Variants in SYT14 observed in about 807,000 individuals in gnomAD.
SYT14 encodes synaptotagmin-14.
SYT14 carries 32 observed loss-of-function variants against 74.2 expected under a neutral mutation model. The ratio of observed to expected loss-of-function variants is 0.43; its 90% CI spans 0.33 to 0.58. SYT14 has a LOEUF of 0.58. Ranked by LOEUF, SYT14 falls within the 20% of genes least tolerant of loss-of-function variation. The pLI is 0.05. For synonymous variants in SYT14, 298 were observed against 337.7 expected (o/e 0.88, Z 1.29); for missense variants, 791 against 981.8 (o/e 0.81, Z 2.60).
chr1:210,088,061 G>A (rs553841221), intron 5 of SYT14, among the ~76,000 whole-genome samples: 11 of 151,660 alleles, frequency 7.3e-5, no homozygotes, highest in African/African-American at 2.7e-4. Flanking sequence ...AATTTTATTC[G>A]TGTTTTCAGT....
intron 2 of SYT14, among the ~76,000 whole-genome samples, chr1:209,956,661 G>A (rs1394171411): frequency 2.0e-5 from 3 of 152,132 alleles, no homozygotes; most frequent in Non-Finnish European, 2.9e-5. Flanking sequence ...CCTATAGTCT[G>A]CCATTTATCA....
At chr1:210,099,611 T>C (rs1338472863) in intron 6 of SYT14, among the ~76,000 whole-genome samples, 6 of 152,204 alleles carry the variant, frequency 3.9e-5, no homozygotes, top group Admixed American at 2.0e-4. Context: ...ATTTATGTTC[T>C]CTTTCTCTGC....
At chr1:210,007,730 A>T (rs186033944) in intron 2 of SYT14, among the ~76,000 whole-genome samples, 7 of 152,182 alleles carry the variant, frequency 4.6e-5, no homozygotes, top group Admixed American at 4.6e-4. Context: ...TACAAGGAGC[A>T]GTATTACTTG....
intron 5 of SYT14, among the ~76,000 whole-genome samples, chr1:210,039,961 A>G (rs1400935744): frequency 1.3e-5 from 2 of 152,164 alleles, no homozygotes; most frequent in African/African-American, 4.8e-5. Flanking sequence ...CCATTGTGGA[A>G]GACAGTGTGG....
intron 5 of SYT14, among the ~76,000 whole-genome samples, chr1:210,086,353 T>G (rs1024008742): frequency 3.3e-5 from 5 of 152,236 alleles, no homozygotes; most frequent in Non-Finnish European, 7.3e-5. Context: ...AATTTTTCAC[T>G]TATTCATATA....
chr1:210,017,911 T>C (rs1354395625), intron 4 of SYT14, among the ~76,000 whole-genome samples: 2 of 152,170 alleles, frequency 1.3e-5, no homozygotes, highest in African/African-American at 4.8e-5. Context: ...GGAATTTTTC[T>C]CTAAGTTCAT....
intron 2 of SYT14, among the ~76,000 whole-genome samples, chr1:209,975,629 T>C (rs1032244976): frequency 6.6e-6 from 1 of 152,166 alleles, no homozygotes; most frequent in Non-Finnish European, 1.5e-5. Flanking sequence ...AGGATTTTTG[T>C]ATCAATGTTC....
chr1:209,977,071 C>G (rs774798307), intron 2 of SYT14, among the ~76,000 whole-genome samples: 9 of 152,176 alleles, frequency 5.9e-5, no homozygotes, highest in Non-Finnish European at 1.0e-4. Flanking sequence ...GGATCTTCCT[C>G]CATCCCTTTA....
chr1:210,170,325 T>A (rs1246934831), exon 10 of SYT14: 1 of 152,114 alleles, frequency 6.6e-6, no homozygotes, highest in East Asian at 1.9e-4. Flanking sequence ...AGAGTGAGCA[T>A]ATATGTAATC....
At chr1:210,044,846 G>T (rs1050697115) in intron 5 of SYT14, among the ~76,000 whole-genome samples, 2 of 152,188 alleles carry the variant, frequency 1.3e-5, no homozygotes, top group Non-Finnish European at 2.9e-5. Context: ...TTACGGTGGA[G>T]CATGAAGTGG....
intron 5 of SYT14, among the ~76,000 whole-genome samples, chr1:210,028,435 C>T (rs2080460130): frequency 6.6e-6 from 1 of 151,714 alleles, no homozygotes; most frequent in South Asian, 2.1e-4. Context: ...TCCATTCCCC[C>T]TTCCCCCAAC....
intron 2 of SYT14, among the ~76,000 whole-genome samples, chr1:209,991,287 A>G (rs765086619): frequency 4.6e-5 from 7 of 152,204 alleles, no homozygotes; most frequent in Non-Finnish European, 1.0e-4. Context: ...AAATGGGGCT[A>G]TATAAACTGA....
chr1:210,155,665 A>G (rs1434946314), intron 7 of SYT14, 56 bp from the exon 7 acceptor site: 3 of 1,568,662 alleles, frequency 1.9e-6, no homozygotes, highest in East Asian at 2.3e-5. Context: ...ATAACAATAT[A>G]TCTCTTAATA....
At chr1:210,042,147 G>A (rs1383481663) in intron 5 of SYT14, among the ~76,000 whole-genome samples, 1 of 152,096 alleles carries the variant, frequency 6.6e-6, no homozygotes, top group African/African-American at 2.4e-5. Context: ...CTGGGGACCT[G>A]TCCTCCTGCA....
intron 7 of SYT14, among the ~76,000 whole-genome samples, chr1:210,127,612 C>T (rs558143646): frequency 6.6e-5 from 10 of 152,264 alleles, no homozygotes; most frequent in African/African-American, 1.7e-4. Context: ...ATTTTGGTAG[C>T]GGTCTTCAAA....
chr1:209,996,032 A>G (rs938912149), intron 2 of SYT14, among the ~76,000 whole-genome samples: 1 of 152,168 alleles, frequency 6.6e-6, no homozygotes, highest in Non-Finnish European at 1.5e-5. Flanking sequence ...ATTTAGAAAG[A>G]TCTCAAATGA....
At chr1:209,986,917 C>T (rs943165623) in intron 2 of SYT14, among the ~76,000 whole-genome samples, 7 of 152,142 alleles carry the variant, frequency 4.6e-5, no homozygotes, top group Admixed American at 3.3e-4. Flanking sequence ...CCACCATACC[C>T]GACCCAATTA....
At chr1:209,967,513 G>A in intron 2 of SYT14, among the ~76,000 whole-genome samples, 1 of 152,048 alleles carries the variant, frequency 6.6e-6, no homozygotes, top group East Asian at 1.9e-4. Context: ...GGCCTCTTCA[G>A]GTTATCTATT....
At chr1:210,047,674 G>A (rs764232293) in intron 5 of SYT14, among the ~76,000 whole-genome samples, 21 of 152,156 alleles carry the variant, frequency 1.4e-4, no homozygotes, top group Non-Finnish European at 2.8e-4. Flanking sequence ...TGGGATTACA[G>A]GCGTGAGCCA....
Sources: allele counts gnomAD v4.1 joint callset (sites outside exome capture counted in the v4.1 genomes callset), GRCh38; gene constraint gnomAD v4.1.1; transcripts MANE v1.5; gene names NCBI Gene and HGNC (gene_info 2026-07-23, HGNC 2026-07-21).